NAALADL2: variants seen among roughly 807,000 people sequenced by gnomAD.
NAALADL2 encodes the protein inactive N-acetylated-alpha-linked acidic dipeptidase-like protein 2.
In NAALADL2, 76 loss-of-function variants were observed where a neutral mutation model predicts 87.2. The observed-to-expected ratio is 0.87, with a 90% CI of 0.72 to 1.05. The LOEUF (loss-of-function observed/expected upper bound fraction) is 1.05. NAALADL2 is among the 50% of genes least tolerant of loss of function. The probability of loss-of-function intolerance (pLI) is 0.00; values close to 1 mark genes in which losing one functional copy is unlikely to be tolerated. For synonymous variants in NAALADL2, 354 were observed against 331.0 expected (o/e 1.07, Z -0.75); for missense variants, 1,089 against 945.8 (o/e 1.15, Z -1.99).
chr3:175,020,724 C>G lies in NAALADL2; in HGVS notation c.44-76066C>G, dbSNP rs562775809. ...AAATATCACTTTGATTCTGCCATAC[C>G]AGTTCAGAAGTCACCAAAGGCTCTT... On this transcript the variant is annotated intron_variant, in intron 1 of 13. Transcript: ENST00000454872. Among the ~76,000 whole-genome samples the G allele has an allele frequency of 3.3e-5, 5 of 152,116 alleles. No individual in the cohort carries two copies. The South Asian group carries it at 1.0e-3, about 32-fold the overall frequency.
At chr3:175,612,842 G>A (rs560851351) in intron 10 of NAALADL2, among the ~76,000 whole-genome samples, 1 of 152,126 alleles carries the variant, frequency 6.6e-6, no homozygotes, top group East Asian at 1.9e-4. Flanking sequence ...TTCCTACCTT[G>A]CAATTTATTT....
chr3:174,905,596 T>C (rs1732867272), intron 1 of NAALADL2, among the ~76,000 whole-genome samples: 1 of 152,088 alleles, frequency 6.6e-6, no homozygotes, highest in African/African-American at 2.4e-5. Context: ...TATGTAATTC[T>C]GTAATTCTTG....
chr3:174,931,619 A>G (rs115988780), intron 1 of NAALADL2, among the ~76,000 whole-genome samples: 98 of 152,298 alleles, frequency 6.4e-4, no homozygotes, highest in Non-Finnish European at 1.1e-3. Flanking sequence ...AGACATCCCT[A>G]TGGCACTACT....
chr3:174,527,281 G>A (rs1203618295), intron 1 of NAALADL2, among the ~76,000 whole-genome samples: 2 of 152,120 alleles, frequency 1.3e-5, no homozygotes, highest in African/African-American at 4.8e-5. Flanking sequence ...AGCACTTTGG[G>A]AGGCTGAGGC....
intron 3 of NAALADL2, among the ~76,000 whole-genome samples, chr3:174,763,456 G>A (rs1433382663): frequency 6.6e-6 from 1 of 151,356 alleles, no homozygotes; most frequent in African/African-American, 2.4e-5. Context: ...GCGTGGTGGT[G>A]CATACCTGTA....
chr3:175,091,358 T>A (rs1720088020), intron 1 of NAALADL2, among the ~76,000 whole-genome samples: 1 of 152,082 alleles, frequency 6.6e-6, no homozygotes, highest in South Asian at 2.1e-4. Context: ...TGATTTGACA[T>A]TGAAAGCTTC....
chr3:175,461,252 A>T (rs554750092), intron 6 of NAALADL2, among the ~76,000 whole-genome samples: 7 of 151,572 alleles, frequency 4.6e-5, no homozygotes, highest in Non-Finnish European at 8.8e-5. Context: ...CAGAGTGCTG[A>T]TTGGTGCATT....
chr3:175,621,866 G>C (rs1052943368), intron 10 of NAALADL2, among the ~76,000 whole-genome samples: 1 of 152,028 alleles, frequency 6.6e-6, no homozygotes. Context: ...TATATCAAAG[G>C]ATAACTGTAC....
intron 9 of NAALADL2, among the ~76,000 whole-genome samples, chr3:175,523,124 A>G (rs1400905089): frequency 6.6e-6 from 1 of 152,202 alleles, no homozygotes; most frequent in Non-Finnish European, 1.5e-5. Flanking sequence ...TCTACCAAGT[A>G]GTGAAAATTA....
chr3:175,278,357 C>T lies in NAALADL2; in HGVS notation c.939+21827C>T, dbSNP rs527503346. The stretch of plus-strand genomic sequence containing the variant: ...ATCTAGTTGCATCTAGTTAATATAC[C>T]AGAGAGAACTACCAAACCTAACTTC... On this transcript the variant is annotated intron_variant, in intron 4 of 13. Transcript: ENST00000454872. Among the ~76,000 whole-genome samples the T allele has an allele frequency of 3.9e-5, 6 of 151,998 alleles. No individual in the cohort carries two copies. In the South Asian group the frequency reaches 1.0e-3, roughly 26 times the overall value.
intron 5 of NAALADL2, among the ~76,000 whole-genome samples, chr3:175,438,641 T>G (rs1234910689): frequency 1.3e-5 from 2 of 152,180 alleles, no homozygotes; most frequent in South Asian, 4.1e-4. Flanking sequence ...TTGTCAGTCT[T>G]TTATTATAAT....
intron 1 of NAALADL2, among the ~76,000 whole-genome samples, chr3:174,955,953 C>T (rs1206276265): frequency 6.6e-6 from 1 of 152,004 alleles, no homozygotes; most frequent in Non-Finnish European, 1.5e-5. Context: ...GGTGTTGGTG[C>T]CAATCTTATT....
At chr3:174,925,081 C>T (rs1735797959) in intron 1 of NAALADL2, among the ~76,000 whole-genome samples, 3 of 152,104 alleles carry the variant, frequency 2.0e-5, no homozygotes, top group Admixed American at 6.6e-5. Flanking sequence ...TTAATTAGAT[C>T]CCATTTGTCA....
In NAALADL2 at chr3:175,760,820, C is replaced by T. The variant is rs147123039; in HGVS notation, c.2189+5402C>T. ...ACAAAGGCAGAGCAACGAGTCTGCC[C>T]TGGTAAACCTGTGCATTCCCACTAT... On this transcript the variant is annotated intron_variant, in intron 13 of 13. Transcript: ENST00000454872. Among the ~76,000 whole-genome samples, 750 of 152,266 alleles carry T rather than the reference C, an allele frequency of 4.9e-3. 11 individuals carry two copies. The highest frequency in any genetic ancestry group is 0.017 in the African/African-American group (711 of 41,538).
At chr3:174,862,624 C>A (rs1467715770) in intron 1 of NAALADL2, among the ~76,000 whole-genome samples, 1 of 152,056 alleles carries the variant, frequency 6.6e-6, no homozygotes, top group East Asian at 1.9e-4. Flanking sequence ...TCCTTTTCAT[C>A]TTTAGTCGAA....
At chr3:174,964,095 A>G (rs1199010373) in intron 1 of NAALADL2, among the ~76,000 whole-genome samples, 1 of 152,038 alleles carries the variant, frequency 6.6e-6, no homozygotes, top group Non-Finnish European at 1.5e-5. Context: ...ATATTTTTCA[A>G]GATGTTTTAA....
chr3:174,465,429 T>C (rs538588500), intron 1 of NAALADL2, among the ~76,000 whole-genome samples: 14 of 152,340 alleles, frequency 9.2e-5, no homozygotes, highest in Admixed American at 9.2e-4. Context: ...AATTTCAACA[T>C]CTTTTCTTAT....
intron 10 of NAALADL2, among the ~76,000 whole-genome samples, chr3:175,583,735 C>A (rs1008148675): frequency 2.0e-5 from 3 of 152,144 alleles, no homozygotes; most frequent in Admixed American, 2.0e-4. Context: ...AATAAATGTG[C>A]ACTCACAGGT....
At chr3:175,383,220 ATGT>A (rs1056529828) in intron 5 of NAALADL2, among the ~76,000 whole-genome samples, 5 of 152,066 alleles carry the variant, frequency 3.3e-5, no homozygotes, top group South Asian at 2.1e-4. Context: ...TTTGAAATAC[ATGT>A]TGTTGTTGTT....
Sources: gnomAD v4.1 joint callset for allele counts (sites outside exome capture counted in the v4.1 genomes callset) on GRCh38, gnomAD v4.1.1 for gene constraint, MANE v1.5 for transcripts, NCBI Gene and HGNC (gene_info 2026-07-23, HGNC 2026-07-21) for gene names.